Variants in PDE10A observed in about 807,000 individuals in gnomAD.
PDE10A encodes the protein phosphodiesterase 10A.
Under a neutral mutation model 97.7 loss-of-function variants are expected in PDE10A, and 39 were observed. The observed-to-expected ratio is 0.40, with a 90% CI of 0.31 to 0.52. The LOEUF (loss-of-function observed/expected upper bound fraction) is 0.52. PDE10A is among the 20% of genes least tolerant of loss of function. PDE10A has a pLI of 0.56. For synonymous variants in PDE10A, 371 were observed against 376.8 expected, an observed-to-expected ratio of 0.98 and a Z score of 0.18; for missense variants, 731 against 1,047.8, an observed-to-expected ratio of 0.70 and a Z score of 4.17.
At chr6:165,405,099 G>A (rs926105630) in intron 13 of PDE10A, among the ~76,000 whole-genome samples, 8 of 152,050 alleles carry the variant, frequency 5.3e-5, no homozygotes, top group African/African-American at 1.9e-4. Context: ...AAAAAAATGT[G>A]TGTGTATTAT....
At chr6:165,460,191 T>A (rs1778237298) in intron 3 of PDE10A, among the ~76,000 whole-genome samples, 1 of 152,094 alleles carries the variant, frequency 6.6e-6, no homozygotes, top group Admixed American at 6.5e-5. Flanking sequence ...CCACAAAAGG[T>A]CCCAACAGGA....
intron 1 of PDE10A, among the ~76,000 whole-genome samples, chr6:165,890,692 G>C (rs908590790): frequency 6.6e-6 from 1 of 152,204 alleles, no homozygotes; most frequent in Non-Finnish European, 1.5e-5. Flanking sequence ...TTAGAAAGGT[G>C]AAGGACAGAA....
chr6:165,568,825 A>T (rs1329112235), intron 1 of PDE10A, among the ~76,000 whole-genome samples: 1 of 152,232 alleles, frequency 6.6e-6, no homozygotes, highest in Non-Finnish European at 1.5e-5. Context: ...GAATTTGTGA[A>T]GAAGGAAAGA....
chr6:165,918,378 C>T (rs116970461), intron 1 of PDE10A, among the ~76,000 whole-genome samples: 1 of 152,180 alleles, frequency 6.6e-6, no homozygotes, highest in East Asian at 1.9e-4. Flanking sequence ...TTATAGTTGC[C>T]TTATTTTCAA....
At position 165,605,868 on chromosome 6, in the gene PDE10A, T is replaced by A. The variant is rs113194342; in HGVS notation, c.865+56079A>T. 1.8e-3 allele frequency among the ~76,000 whole-genome samples: 271 copies of A among 152,316 alleles called. 1 individual carries two copies. The highest frequency in any genetic ancestry group is 6.0e-3 in the African/African-American group (249 of 41,574). On this transcript the variant is annotated intron_variant, in intron 1 of 21. Coordinates refer to ENST00000539869, the MANE Select transcript of PDE10A (RefSeq NM_001385079.1). ...ACCACATAATGAAAGAGACAGGTTT[T>A]GATTCTAAATCTTTCTAGCACCCAC...
At chr6:165,488,687 AC>A (rs1780056763) in intron 2 of PDE10A, among the ~76,000 whole-genome samples, 1 of 151,974 alleles carries the variant, frequency 6.6e-6, no homozygotes, top group Non-Finnish European at 1.5e-5. Context: ...GGAGGCTTGT[AC>A]CCTGGGGCAA....
At chr6:165,536,702 T>G (rs1343927579) in intron 2 of PDE10A, among the ~76,000 whole-genome samples, 1 of 151,174 alleles carries the variant, frequency 6.6e-6, no homozygotes, top group Non-Finnish European at 1.5e-5. Context: ...TATGAAAAAA[T>G]GCTCAATATC....
chr6:165,979,559 C>G (rs9364827), intron 1 of PDE10A, among the ~76,000 whole-genome samples: 4 of 152,040 alleles, frequency 2.6e-5, no homozygotes, highest in Non-Finnish European at 4.4e-5. Flanking sequence ...CTTGTTAATT[C>G]AAGTTGCCTC....
At chr6:165,583,224 A>C (rs770359450) in intron 1 of PDE10A, among the ~76,000 whole-genome samples, 1 of 152,340 alleles carries the variant, frequency 6.6e-6, no homozygotes, top group East Asian at 1.9e-4. Context: ...TCACTTGCCA[A>C]AGTTTACATA....
chr6:165,466,617 T>C (rs1359720451), intron 3 of PDE10A, among the ~76,000 whole-genome samples: 2 of 152,238 alleles, frequency 1.3e-5, no homozygotes, highest in Non-Finnish European at 2.9e-5. Context: ...TAATTCTCAC[T>C]GTATTTCAAA....
At chr6:165,884,786 A>G (rs1781583351) in intron 1 of PDE10A, among the ~76,000 whole-genome samples, 1 of 152,228 alleles carries the variant, frequency 6.6e-6, no homozygotes, top group African/African-American at 2.4e-5. Context: ...AATGGGTCAG[A>G]TTAATTGAAC....
chr6:165,612,885 C>G (rs556355969), intron 1 of PDE10A, among the ~76,000 whole-genome samples: 44 of 152,204 alleles, frequency 2.9e-4, no homozygotes, highest in African/African-American at 1.0e-3. Flanking sequence ...ACTAATAGGG[C>G]ATAAATTCAA....
chr6:165,528,948 T>C (rs1410448694), intron 2 of PDE10A, among the ~76,000 whole-genome samples: 2 of 152,188 alleles, frequency 1.3e-5, no homozygotes, highest in African/African-American at 2.4e-5. Flanking sequence ...TCAGGATTAA[T>C]GGATCCAGGA....
chr6:165,704,302 A>G (rs1791653218), intron 1 of PDE10A, among the ~76,000 whole-genome samples: 1 of 152,126 alleles, frequency 6.6e-6, no homozygotes, highest in Non-Finnish European at 1.5e-5. Flanking sequence ...CAGGAAGGAA[A>G]CAAAGGAGGA....
At chr6:165,633,505 G>A (rs1055242047) in intron 1 of PDE10A, among the ~76,000 whole-genome samples, 2 of 152,132 alleles carry the variant, frequency 1.3e-5, no homozygotes, top group South Asian at 2.1e-4. Flanking sequence ...AATAATTGAG[G>A]GGAAAAATGA....
At chr6:165,335,977 G>A (rs981669116) in intron 21 of PDE10A, 146 bp downstream of exon 21, 14 of 701,528 alleles carry the variant, frequency 2.0e-5, no homozygotes, top group Non-Finnish European at 2.8e-5. Context: ...GGGAAGCCAG[G>A]TAAGGAGGCC....
At chr6:165,356,652 T>C (rs1783044968) in intron 18 of PDE10A, among the ~76,000 whole-genome samples, 1 of 152,180 alleles carries the variant, frequency 6.6e-6, no homozygotes, top group Admixed American at 6.5e-5. Flanking sequence ...TTTTATAATT[T>C]TAATTCTTAT....
At chr6:165,935,329 A>G (rs886524761) in intron 1 of PDE10A, among the ~76,000 whole-genome samples, 3 of 152,246 alleles carry the variant, frequency 2.0e-5, no homozygotes, top group African/African-American at 7.2e-5. Context: ...CACAGAGATA[A>G]TCAAAGAACT....
intron 2 of PDE10A, among the ~76,000 whole-genome samples, chr6:165,505,622 A>C (rs1240577279): frequency 1.3e-5 from 2 of 152,230 alleles, no homozygotes; most frequent in African/African-American, 4.8e-5. Flanking sequence ...GGTGGTCTCC[A>C]ACATATTAAA....
Sources: allele counts gnomAD v4.1 joint callset (sites outside exome capture counted in the v4.1 genomes callset), GRCh38; gene constraint gnomAD v4.1.1; transcripts MANE v1.5; gene names NCBI Gene and HGNC (gene_info 2026-07-23, HGNC 2026-07-21).